Variants in GPATCH2L observed in about 807,000 individuals in gnomAD.
The protein encoded by GPATCH2L is G-patch domain containing 2 like, also known as G patch domain-containing protein 2-like.
A neutral mutation model predicts 57.4 loss-of-function variants in GPATCH2L; 31 were observed. That is an observed-to-expected ratio of 0.54 (90% CI 0.41 to 0.73). The LOEUF (loss-of-function observed/expected upper bound fraction) is 0.73. Among genes scored for constraint, GPATCH2L ranks in the 30% least tolerant of loss-of-function variants. The pLI is 0.00. For missense variants in GPATCH2L, 481 were observed against 599.9 expected (o/e 0.80, Z 2.07); for synonymous variants, 199 against 210.7 (o/e 0.94, Z 0.48).
chr14:76,163,203 A>C (rs1487799098), intron 2 of GPATCH2L, among the ~76,000 whole-genome samples: 1 of 152,146 alleles, frequency 6.6e-6, no homozygotes, highest in Non-Finnish European at 1.5e-5. Flanking sequence ...TACTTTCTCT[A>C]AGCCCCTTTC....
At chr14:76,174,006 T>A in intron 5 of GPATCH2L, 1 of 256,814 alleles carries the variant, frequency 3.9e-6, no homozygotes, top group Non-Finnish European at 7.3e-6. Flanking sequence ...TGTTCTTTCC[T>A]AATTTTGGTC....
intron 3 of GPATCH2L, among the ~76,000 whole-genome samples, chr14:76,169,551 G>A (rs1479121797): frequency 6.6e-6 from 1 of 152,124 alleles, no homozygotes; most frequent in Non-Finnish European, 1.5e-5. Flanking sequence ...CTCTTTTAAG[G>A]AGCTCCTCTA....
rs140070056 is a variant in GPATCH2L, at chr14:76,231,344, G to A, written c.*117+1391G>A. ...CGTCTCTTTCCTAGTGCTGCCTGTC[G>A]CCCTGCTCAGGGCTTCATGTGACCT... is the stretch of plus-strand genomic sequence containing the variant. On this transcript the variant is annotated intron_variant and NMD_transcript_variant, in intron 2 of 3. Coordinates refer to the GPATCH2L transcript ENST00000556372. Among the ~76,000 whole-genome samples the A allele has an allele frequency of 5.6e-3, 854 of 152,150 alleles. 6 individuals carry two copies. The highest frequency in any genetic ancestry group is 0.033 in the East Asian group (169 of 5,182).
chr14:76,157,785 A>G (rs1241320504), intron 2 of GPATCH2L, among the ~76,000 whole-genome samples: 1 of 152,184 alleles, frequency 6.6e-6, no homozygotes, highest in African/African-American at 2.4e-5. Flanking sequence ...CATGGAGTAT[A>G]GACTTCATCA....
intron 1 of GPATCH2L, among the ~76,000 whole-genome samples, chr14:76,228,397 C>T (rs528823009): frequency 2.0e-5 from 3 of 152,300 alleles, no homozygotes; most frequent in Admixed American, 2.0e-4. Context: ...TGCTTTCTCC[C>T]TCTCACCTCC....
At position 76,205,613 on chromosome 14, in the gene GPATCH2L, T is replaced by C. The variant is rs967633270; in HGVS notation, c.*3762T>C. 6.6e-6 allele frequency: 1 copy of C among 152,232 alleles called. No homozygotes were observed. Among genetic ancestry groups the C allele is most frequent in the African/African-American group, 2.4e-5 (1 of 41,464 alleles). The allele number at this position is 152,232 out of a possible 1,614,324, so 9.4% of individuals were successfully genotyped here. A position where few individuals can be genotyped will look rare whatever the true frequency, so the allele number is the denominator to read the frequency against. ...CTTCCAAATAGATTGATAATAGCCT[T>C]GCATGTTGTAGTTAGAGACACTGTA... On this transcript the variant is annotated 3_prime_UTR_variant, in exon 10 of 10. Transcript: ENST00000261530.
intron 2 of GPATCH2L, among the ~76,000 whole-genome samples, chr14:76,162,741 C>T (rs989435249): frequency 6.6e-6 from 1 of 152,108 alleles, no homozygotes; most frequent in African/African-American, 2.4e-5. Context: ...GTATGGGTCC[C>T]TGAGAGTATA....
Position 76,222,470 on chromosome 14 carries a change from G to A in GPATCH2L, c.66-7338G>A, listed in dbSNP as rs146918018. ...AAAATACAAATAATTAGCTGAGCGT[G>A]GTGGCGTGCACCTGTAATCCCAGCT... On this transcript the variant is annotated intron_variant and NMD_transcript_variant, in intron 1 of 3. Transcript: ENST00000556372. 3.4e-3 allele frequency among the ~76,000 whole-genome samples: 520 copies of A among 152,046 alleles called. 2 individuals are homozygous for A. Among genetic ancestry groups the A allele is most frequent in the African/African-American group, 0.012 (505 of 41,486 alleles).
chr14:76,210,532 T>G lies in GPATCH2L; in HGVS notation c.*8681T>G, dbSNP rs959848169. ...CAACTGTGAATGGGCTCATCCCTTC[T>G]CTGTGCGTACATGATTGAAAGGAGA... On this transcript the variant is annotated 3_prime_UTR_variant, in exon 10 of 10. Coordinates refer to ENST00000261530, the MANE Select transcript of GPATCH2L (RefSeq NM_017926.4). 6.6e-6 allele frequency: 1 copy of G among 152,240 alleles called. No individual in the cohort carries two copies. Among genetic ancestry groups the G allele is most frequent in the Non-Finnish European group, 1.5e-5 (1 of 68,058 alleles). 9.4% of individuals were successfully genotyped at this position (152,240 alleles called of 1,614,324 possible).
At chr14:76,176,991 G>A (rs2039357134) in intron 6 of GPATCH2L, among the ~76,000 whole-genome samples, 1 of 150,676 alleles carries the variant, frequency 6.6e-6, no homozygotes, top group Non-Finnish European at 1.5e-5. Flanking sequence ...TTTCCAAAAT[G>A]GATGATTGCC....
rs36032954 is a variant in GPATCH2L, at chr14:76,222,954, CAAAAA to C, written c.66-6841_66-6837del. Among the ~76,000 whole-genome samples, 1,104 of 113,498 alleles carry C rather than the reference CAAAAA, an allele frequency of 9.7e-3. 10 individuals carry two copies. The highest frequency in any genetic ancestry group is 0.014 in the Non-Finnish European group (803 of 57,810). 74.5% of individuals were successfully genotyped at this position (113,498 alleles called of 152,430 possible). On this transcript the variant is annotated intron_variant and NMD_transcript_variant, in intron 1 of 3. Transcript: ENST00000556372. ...CTGGGCAACAGAGTGAGACTGTGTT[CAAAAA>C]AAAAAAAAAAAAGAAAGAAAAAAAA...
chr14:76,196,180 A>G (rs2139805346), intron 9 of GPATCH2L: 1 of 682,542 alleles, frequency 1.5e-6, no homozygotes, highest in East Asian at 2.7e-5. Context: ...ATGGCTATCT[A>G]GAGTTTGAAA....
Position 76,173,549 on chromosome 14 carries a change from A to G in GPATCH2L, c.908A>G (p.Tyr303Cys). 2.5e-6 allele frequency: 4 copies of G among 1,607,736 alleles called. No individual in the cohort carries two copies. Among genetic ancestry groups the G allele is most frequent in the South Asian group, 1.1e-5 (1 of 90,744 alleles). The change falls in exon 5 of 10, where the codon TAC (tyrosine) becomes TGC (cysteine). Residue 303 changes from tyrosine (Y) to cysteine (C), a missense_variant. By Grantham distance (194) the Tyr-to-Cys change is radical. Around this residue, in one of 3 missense-constraint regions of GPATCH2L, gnomAD observed 248 missense variants for 270.5 expected, o/e 0.92. Coordinates refer to ENST00000261530, the MANE Select transcript of GPATCH2L (RefSeq NM_017926.4). ...LLPSRPAQRG[Y>C]HTRLNRLPGA... ...GAGGCCTTCCTTCTTTTTTTAGGGT[A>G]CCATACTCGCTTGAATCGTCTACCT...
At chr14:76,219,310 T>C (rs961764642), downstream of GPATCH2L, among the ~76,000 whole-genome samples, 2 of 152,146 alleles carry the variant, frequency 1.3e-5, no homozygotes, top group African/African-American at 4.8e-5. Flanking sequence ...CAGAGACATG[T>C]AATAGAAGAG....
rs1455640927 is a variant in GPATCH2L, at chr14:76,166,723, A to G, written c.723A>G (p.Arg241=). 2 of 1,600,468 alleles carry G rather than the reference A, an allele frequency of 1.2e-6. No homozygotes were observed. Among genetic ancestry groups the G allele is most frequent in the African/African-American group, 1.3e-5 (1 of 74,768 alleles). The change falls in exon 3 of 10, where the codon CGA becomes CGG. Residue 241 remains arginine (R), a synonymous_variant. Transcript: ENST00000261530. ...GGCTCTTTACCAATGATGAAGGGCG[A>G]CAAGGTAATGTCGATCCCAGCTTTG... ...DTGLFTNDEG[R]QGDDEQSDWF... is the part of the protein sequence containing the mutation.
Position 76,154,440 on chromosome 14 carries a change from A to T in GPATCH2L, c.77A>T (p.Glu26Val). ...CAGAATAAGCTTGGTGAACTGTGGG[A>T]GGAGATGGCGCTGAGCCCCCGACAG... ...SEQNKLGELW[E>V]EMALSPRQQR... Residue 26 changes from glutamate to valine, a missense_variant, in exon 2 of 10, where the codon GAG (glutamate) becomes GTG (valine). Coordinates refer to ENST00000261530, the MANE Select transcript of GPATCH2L (RefSeq NM_017926.4). This position sits in a 1 kb window ranked among gnomAD's most constrained non-coding sequence, Gnocchi z 4.4. 6.2e-7 allele frequency: 1 copy of T among 1,614,040 alleles called. No individual in the cohort carries two copies. The highest frequency in any genetic ancestry group is 8.5e-7 in the Non-Finnish European group (1 of 1,179,992).
In GPATCH2L at chr14:76,171,993, T is replaced by C; in HGVS notation, c.878T>C (p.Leu293Pro). The C allele has an allele frequency of 6.2e-7, 1 of 1,610,402 alleles. No homozygotes were observed. Residue 293 changes from leucine to proline, a missense_variant, in exon 4 of 10, where the codon CTT becomes CCT. Leu to Pro is a moderately conservative substitution (Grantham distance 98). Transcript: ENST00000261530. ...GATAAATTTTCAGATTCCACATTCC[T>C]TTTACCTTCTCGGCCAGCTCAAAGA... is the stretch of plus-strand genomic sequence containing the variant. The part of the protein sequence containing the change: ...GLDKFSDSTF[L>P]LPSRPAQRGY...
In GPATCH2L at chr14:76,207,510, A is replaced by G. The variant is rs960582911; in HGVS notation, c.*5659A>G. 2 of 151,158 alleles carry G rather than the reference A, an allele frequency of 1.3e-5. No homozygotes were observed. Among genetic ancestry groups the G allele is most frequent in the African/African-American group, 4.9e-5 (2 of 40,740 alleles). 9.4% of individuals were successfully genotyped at this position (151,158 alleles called of 1,614,324 possible). A position where few individuals can be genotyped will look rare whatever the true frequency, so the allele number is the denominator to read the frequency against. On this transcript the variant is annotated 3_prime_UTR_variant, in exon 10 of 10. Transcript: ENST00000261530. ...CCAGCATGATAATGATGAATCATTTAAAGTACGGCTCATAAAAATGAAAAA... is the reference window on the plus strand; with the variant it reads ...CCAGCATGATAATGATGAATCATTTGAAGTACGGCTCATAAAAATGAAAAA...
At chr14:76,170,863 G>C (rs2039051329) in intron 3 of GPATCH2L, 1 of 152,184 alleles carries the variant, frequency 6.6e-6, no homozygotes, top group Non-Finnish European at 1.5e-5. Context: ...TTTGGGTTCA[G>C]ATCCTGGCTT....
Sources: allele counts gnomAD v4.1 joint callset (sites outside exome capture counted in the v4.1 genomes callset), GRCh38; gene constraint gnomAD v4.1.1; regional missense constraint gnomAD v4.1.1; non-coding constraint Gnocchi (gnomAD v3.1); transcripts MANE v1.5; gene names NCBI Gene and HGNC (gene_info 2026-07-23, HGNC 2026-07-21).